The following NSUN6 variants were observed in gnomAD, a reference collection of about 807,000 sequenced individuals.
The protein encoded by NSUN6 is tRNA (cytosine(72)-C(5))-methyltransferase NSUN6.
A neutral mutation model predicts 58.0 loss-of-function variants in NSUN6; 64 were observed. The ratio of observed to expected loss-of-function variants is 1.10; its 90% CI spans 0.90 to 1.36. The LOEUF is 1.36. Ranked by LOEUF, NSUN6 falls within the 40% of genes most tolerant of loss-of-function variation. The pLI is 0.00. For missense variants in NSUN6, 701 were observed against 550.1 expected (o/e 1.27, Z -2.74); for synonymous variants, 231 against 193.9 (o/e 1.19, Z -1.59).
At chr10:18,556,773 A>C (rs775637323) in intron 8 of NSUN6, among the ~76,000 whole-genome samples, 2 of 151,614 alleles carry the variant, frequency 1.3e-5, no homozygotes, top group African/African-American at 2.4e-5. Flanking sequence ...GAAGAATGGA[A>C]TGGAAGGTAG....
chr10:18,628,221 A>C (rs921412488), intron 3 of NSUN6, among the ~76,000 whole-genome samples: 5 of 152,132 alleles, frequency 3.3e-5, no homozygotes, highest in Non-Finnish European at 5.9e-5. Context: ...AAACTAACAA[A>C]CAGAAAGGAC....
Position 18,636,912 on chromosome 10 carries a change from T to C in NSUN6, c.311+5564A>G, listed in dbSNP as rs1366573139. ...TCAAAAAAATAAAAATAATTAAAAA[T>C]ATATATACTTAATAAAAATCAGGAG... On this transcript the variant is annotated intron_variant, in intron 3 of 10. Transcript: ENST00000377304. Among the ~76,000 whole-genome samples the C allele has an allele frequency of 2.3e-5, 3 of 131,294 alleles. No homozygotes were observed. The South Asian group carries it at 7.3e-4, about 32-fold the overall frequency. 86.1% of individuals were successfully genotyped at this position (131,294 alleles called of 152,430 possible).
intron 8 of NSUN6, among the ~76,000 whole-genome samples, chr10:18,565,979 A>G (rs1381879595): frequency 8.0e-6 from 1 of 124,522 alleles, no homozygotes; most frequent in Non-Finnish European, 1.8e-5. Flanking sequence ...TCCATTCCAT[A>G]CCATTCCCCA....
intron 8 of NSUN6, among the ~76,000 whole-genome samples, chr10:18,576,076 C>A (rs1018519487): frequency 6.6e-6 from 1 of 152,172 alleles, no homozygotes; most frequent in South Asian, 2.1e-4. Flanking sequence ...CAAGAAAGCG[C>A]TGCCCCATCC....
At chr10:18,551,286 G>GTGTGTGTC (rs1554848031) in intron 9 of NSUN6, among the ~76,000 whole-genome samples, 2 of 146,164 alleles carry the variant, frequency 1.4e-5, no homozygotes. Context: ...GTGTGTGTGT[G>GTGTGTGTC]TGTGTGGTAA....
intron 8 of NSUN6, among the ~76,000 whole-genome samples, chr10:18,555,596 G>A (rs1161612953): frequency 2.0e-5 from 3 of 150,006 alleles, no homozygotes; most frequent in Admixed American, 6.7e-5. Context: ...AAATGGAGTG[G>A]AGAATGGAAT....
At chr10:18,606,625 C>A (rs1267591324) in intron 6 of NSUN6, among the ~76,000 whole-genome samples, 1 of 152,132 alleles carries the variant, frequency 6.6e-6, no homozygotes, top group Non-Finnish European at 1.5e-5. Context: ...GTATATTACC[C>A]TTAGGAGAAA....
intron 2 of NSUN6, among the ~76,000 whole-genome samples, chr10:18,646,984 T>A (rs531789165): frequency 6.6e-6 from 1 of 152,198 alleles, no homozygotes; most frequent in Non-Finnish European, 1.5e-5. Flanking sequence ...ATACCTGTCA[T>A]TACTCTCAAT....
chr10:18,551,272 G>GTGTGTA (rs2054586526), intron 9 of NSUN6, among the ~76,000 whole-genome samples: 1 of 149,960 alleles, frequency 6.7e-6, no homozygotes, highest in Non-Finnish European at 1.5e-5. Context: ...GTGTGTGTGT[G>GTGTGTA]TGTGTGTGTG....
At chr10:18,634,968 T>A (rs1281614955) in intron 3 of NSUN6, among the ~76,000 whole-genome samples, 2 of 152,084 alleles carry the variant, frequency 1.3e-5, no homozygotes, top group Non-Finnish European at 2.9e-5. Flanking sequence ...AACGGTGACA[T>A]AAAACCTTCC....
rs769125886 is a variant in NSUN6, at chr10:18,546,197, A to G, written c.1198-52T>C. 4.2e-6 allele frequency: 5 copies of G among 1,203,560 alleles called. No homozygotes were observed. The East Asian group carries it at 1.2e-4, about 28-fold the overall frequency. 74.6% of individuals were successfully genotyped at this position (1,203,560 alleles called of 1,614,324 possible). On this transcript the variant is annotated intron_variant, in intron 10 of 10. Transcript: ENST00000377304. ...GATGAACATCCTGTAATTAGCAAGT[A>G]TGACTGCTACAATTTAAGTTAAAAG... is the stretch of plus-strand genomic sequence containing the variant.
intron 8 of NSUN6, among the ~76,000 whole-genome samples, chr10:18,560,961 T>C (rs927312723): frequency 3.5e-5 from 5 of 144,664 alleles, no homozygotes; most frequent in Admixed American, 2.1e-4. Flanking sequence ...AAATGGAACA[T>C]GAAATGCAGT....
chr10:18,582,150 T>A (rs888326367), intron 8 of NSUN6, among the ~76,000 whole-genome samples: 4 of 152,174 alleles, frequency 2.6e-5, no homozygotes, highest in African/African-American at 9.7e-5. Flanking sequence ...ACTCCTGAGA[T>A]CTTATCAGAA....
At chr10:18,570,138 C>A (rs547659174) in intron 8 of NSUN6, among the ~76,000 whole-genome samples, 3 of 149,040 alleles carry the variant, frequency 2.0e-5, no homozygotes, top group African/African-American at 7.4e-5. Flanking sequence ...CATTCCATTT[C>A]GCATTCCATT....
chr10:18,630,264 G>C (rs2058979867), intron 3 of NSUN6, among the ~76,000 whole-genome samples: 1 of 149,964 alleles, frequency 6.7e-6, no homozygotes, highest in Admixed American at 6.7e-5. Context: ...AGTATGTAGA[G>C]GGAAATTTAT....
chr10:18,559,171 G>C (rs2055287531), intron 8 of NSUN6, among the ~76,000 whole-genome samples: 1 of 151,298 alleles, frequency 6.6e-6, no homozygotes, highest in African/African-American at 2.4e-5. Context: ...GAATGGAATG[G>C]AGAATAGAAT....
chr10:18,625,558 CAA>C (rs765581707), intron 3 of NSUN6, among the ~76,000 whole-genome samples: 96 of 151,646 alleles, frequency 6.3e-4, no homozygotes, highest in Non-Finnish European at 9.9e-4. Flanking sequence ...ACTAAAAATA[CAA>C]AAGTCAGCCG....
At chr10:18,598,771 TTTTA>T (rs1418522238) in intron 6 of NSUN6, among the ~76,000 whole-genome samples, 1 of 152,028 alleles carries the variant, frequency 6.6e-6, no homozygotes, top group African/African-American at 2.4e-5. Flanking sequence ...TGGCAGCAAG[TTTTA>T]TTTATTACAA....
chr10:18,629,207 G>C (rs2058939430), intron 3 of NSUN6, among the ~76,000 whole-genome samples: 1 of 152,124 alleles, frequency 6.6e-6, no homozygotes, highest in South Asian at 2.1e-4. Flanking sequence ...CAAATGCTGA[G>C]AGATTTTGTC....
Sources: allele counts gnomAD v4.1 joint callset (sites outside exome capture counted in the v4.1 genomes callset), GRCh38; gene constraint gnomAD v4.1.1; transcripts MANE v1.5; gene names NCBI Gene and HGNC (gene_info 2026-07-23, HGNC 2026-07-21).